Variants in AP3S1 observed in about 807,000 individuals in gnomAD.
The protein encoded by AP3S1 is adaptor related protein complex 3 subunit sigma 1.
Under a neutral mutation model 21.3 loss-of-function variants are expected in AP3S1, and 12 were observed. The observed-to-expected ratio is 0.56, with a 90% CI of 0.36 to 0.91. AP3S1 has a LOEUF of 0.91. Ranked by LOEUF, AP3S1 falls within the 40% of genes least tolerant of loss-of-function variation. AP3S1 has a pLI of 0.01. For synonymous variants in AP3S1, 48 were observed against 78.4 expected (o/e 0.61, Z 2.05); for missense variants, 116 against 225.0 (o/e 0.52, Z 3.10).
At position 115,903,101 on chromosome 5, in the gene AP3S1, C is replaced by T. The variant is rs561706161; in HGVS notation, c.453+109C>T. 5 of 769,800 alleles carry T rather than the reference C, an allele frequency of 6.5e-6. No homozygotes were observed. The African/African-American group carries it at 7.1e-5, about 11-fold the overall frequency. 47.7% of individuals were successfully genotyped at this position (769,800 alleles called of 1,614,324 possible). On this transcript the variant is annotated intron_variant, in intron 5 of 5. Coordinates refer to ENST00000316788, the MANE Select transcript of AP3S1 (RefSeq NM_001284.4). ...TTCAGTATCACCCTTTAGGTTCAGCCGTTATGCTTATTCAGTTTTTAAAAA... is the reference window on the plus strand; with the variant it reads ...TTCAGTATCACCCTTTAGGTTCAGCTGTTATGCTTATTCAGTTTTTAAAAA...
intron 1 of AP3S1, among the ~76,000 whole-genome samples, chr5:115,859,186 G>T (rs1181422679): frequency 6.6e-6 from 1 of 152,176 alleles, no homozygotes; most frequent in Non-Finnish European, 1.5e-5. Flanking sequence ...ATCAAGCTAG[G>T]CAGTTTAGGT....
chr5:115,875,215 T>G (rs879774276), intron 3 of AP3S1, among the ~76,000 whole-genome samples: 1 of 152,222 alleles, frequency 6.6e-6, no homozygotes, highest in Admixed American at 6.5e-5. Flanking sequence ...TGTTGTTTGA[T>G]GGCTTGGAAT....
intron 1 of AP3S1, among the ~76,000 whole-genome samples, chr5:115,851,425 T>C (rs1580615623): frequency 6.6e-6 from 1 of 152,196 alleles, no homozygotes; most frequent in South Asian, 2.1e-4. Context: ...ACAGTGGCTG[T>C]ACCATTTTAC....
intron 1 of AP3S1, among the ~76,000 whole-genome samples, chr5:115,852,695 T>G (rs1762523922): frequency 6.6e-6 from 1 of 152,198 alleles, no homozygotes; most frequent in Non-Finnish European, 1.5e-5. Context: ...CTGAACATTC[T>G]ATATAAATGG....
chr5:115,865,638 T>C (rs538506876), intron 1 of AP3S1, among the ~76,000 whole-genome samples: 3 of 152,336 alleles, frequency 2.0e-5, no homozygotes, highest in African/African-American at 7.2e-5. Context: ...TTTGCTGATA[T>C]GGTACATGTG....
intron 4 of AP3S1, among the ~76,000 whole-genome samples, chr5:115,896,372 T>G (rs762937235): frequency 5.3e-5 from 8 of 152,250 alleles, no homozygotes; most frequent in East Asian, 1.9e-4. Flanking sequence ...ATGATATTTT[T>G]ATGAGTCTGT....
chr5:115,881,971 T>A (rs1026737640), intron 3 of AP3S1, among the ~76,000 whole-genome samples: 1 of 151,844 alleles, frequency 6.6e-6, no homozygotes, highest in Non-Finnish European at 1.5e-5. Context: ...TCCGATATCC[T>A]TTCTTCTGCT....
At chr5:115,873,930 C>T (rs893314102) in intron 3 of AP3S1, among the ~76,000 whole-genome samples, 1 of 151,948 alleles carries the variant, frequency 6.6e-6, no homozygotes, top group Non-Finnish European at 1.5e-5. Context: ...AAAGTGATAC[C>T]ATTCATATAA....
At chr5:115,872,355 C>T (rs1237915992) in intron 3 of AP3S1, among the ~76,000 whole-genome samples, 1 of 151,980 alleles carries the variant, frequency 6.6e-6, no homozygotes, top group East Asian at 1.9e-4. Context: ...TATTTGTATG[C>T]CATATTACTC....
chr5:115,871,107 C>G (rs1193147550), intron 3 of AP3S1, among the ~76,000 whole-genome samples: 1 of 152,190 alleles, frequency 6.6e-6, no homozygotes, highest in Non-Finnish European at 1.5e-5. Context: ...AAGACTGTCT[C>G]TTCCAAGAGT....
chr5:115,872,053 C>G (rs554988363), intron 3 of AP3S1, among the ~76,000 whole-genome samples: 2 of 152,308 alleles, frequency 1.3e-5, no homozygotes, highest in Non-Finnish European at 2.9e-5. Context: ...GTAGTTCACA[C>G]CTGTAATCCT....
intron 1 of AP3S1, among the ~76,000 whole-genome samples, chr5:115,848,806 G>A (rs796928698): frequency 5.3e-5 from 8 of 152,266 alleles, no homozygotes; most frequent in African/African-American, 1.7e-4. Flanking sequence ...TCACCCATCT[G>A]CCTTTTCAGC....
chr5:115,852,987 A>C (rs541919504), intron 1 of AP3S1: 11 of 454,786 alleles, frequency 2.4e-5, no homozygotes, highest in African/African-American at 2.0e-4. Context: ...AGGGTATATA[A>C]CTGGGAGTAA....
intron 1 of AP3S1, chr5:115,852,897 C>T: frequency 2.8e-6 from 1 of 358,704 alleles, no homozygotes; most frequent in Non-Finnish European, 5.6e-6. Flanking sequence ...GGGTTGTTTC[C>T]ACTTTTTGGT....
chr5:115,886,518 T>C (rs1022959651), intron 3 of AP3S1, among the ~76,000 whole-genome samples: 1 of 152,230 alleles, frequency 6.6e-6, no homozygotes, highest in Non-Finnish European at 1.5e-5. Flanking sequence ...TAATAACATT[T>C]CTTCTCTAGC....
intron 3 of AP3S1, among the ~76,000 whole-genome samples, chr5:115,889,334 T>C (rs1750077150): frequency 6.6e-6 from 1 of 152,188 alleles, no homozygotes; most frequent in South Asian, 2.1e-4. Flanking sequence ...GGAAATTGTA[T>C]TCTGATTAGT....
intron 1 of AP3S1, among the ~76,000 whole-genome samples, chr5:115,856,776 G>A (rs889266416): frequency 1.3e-5 from 2 of 152,136 alleles, no homozygotes; most frequent in African/African-American, 2.4e-5. Flanking sequence ...ACCTAGCAAC[G>A]TATCTATAAT....
intron 4 of AP3S1, among the ~76,000 whole-genome samples, chr5:115,901,480 A>G (rs1009928265): frequency 6.9e-6 from 1 of 145,822 alleles, no homozygotes; most frequent in African/African-American, 2.5e-5. Context: ...AGATTAATTT[A>G]TATAAATTTG....
chr5:115,907,843 A>G (rs528239489), intron 5 of AP3S1, among the ~76,000 whole-genome samples: 2 of 152,304 alleles, frequency 1.3e-5, no homozygotes, highest in East Asian at 3.9e-4. Flanking sequence ...GTACGTGGTG[A>G]TGAGCAACTA....
Sources: gnomAD v4.1 joint callset for allele counts (sites outside exome capture counted in the v4.1 genomes callset) on GRCh38, gnomAD v4.1.1 for gene constraint, MANE v1.5 for transcripts, NCBI Gene and HGNC (gene_info 2026-07-23, HGNC 2026-07-21) for gene names.